Variants in NFATC1 observed in about 807,000 individuals in gnomAD.
The protein encoded by NFATC1 is nuclear factor of activated T cells 1, also known as nuclear factor of activated T-cells, cytoplasmic 1.
A neutral mutation model predicts 76.0 loss-of-function variants in NFATC1; 22 were observed. The ratio of observed to expected loss-of-function variants is 0.29; its 90% CI spans 0.21 to 0.41. NFATC1 has a LOEUF of 0.41. Among genes scored for constraint, NFATC1 ranks in the 10% least tolerant of loss-of-function variants. The pLI is 1.00. For missense variants in NFATC1, 1,357 were observed against 1,337.7 expected (o/e 1.01, Z -0.23); for synonymous variants, 704 against 613.1 (o/e 1.15, Z -2.19).
chr18:79,480,989 G>GGCT (rs2089252414), intron 8 of NFATC1, among the ~76,000 whole-genome samples: 2 of 152,370 alleles, frequency 1.3e-5, no homozygotes, highest in Non-Finnish European at 1.5e-5. Context: ...TTAGAATGGA[G>GGCT]GCTTGGCCAT....
chr18:79,463,077 TC>T (rs2088208953), intron 7 of NFATC1, among the ~76,000 whole-genome samples: 1 of 152,154 alleles, frequency 6.6e-6, no homozygotes, highest in South Asian at 2.1e-4. Flanking sequence ...TCAGCGCCCT[TC>T]CCCCAAGGAC....
At chr18:79,402,004 G>T (rs1369796256) in intron 1 of NFATC1, among the ~76,000 whole-genome samples, 3 of 152,186 alleles carry the variant, frequency 2.0e-5, no homozygotes, top group African/African-American at 7.2e-5. Flanking sequence ...CATGGAGCTG[G>T]GTCTCCCCGG....
rs540388869 is a variant in NFATC1 at position 79,451,021 on chromosome 18, A to G, written c.1657A>G (p.Ile553Val). ...TGAACTTCGGAAAGGAGAGACGGAC[A>G]TCGGGAGGAAGAACACACGGGTACG... Reference protein sequence around the residue: ...DIELRKGETDIGRKNTRVRLV... With the variant: ...DIELRKGETDVGRKNTRVRLV... Residue 553 changes from isoleucine (I) to valine (V), a missense_variant, in exon 5 of 10, where the codon ATC (isoleucine) becomes GTC (valine). Transcript: ENST00000427363. The G allele has an allele frequency of 6.2e-6, 10 of 1,613,908 alleles. No homozygotes were observed. The East Asian group carries it at 1.1e-4, about 18-fold the overall frequency.
Position 79,471,714 on chromosome 18 carries a change from A to G in NFATC1, c.2092+4132A>G, listed in dbSNP as rs146420926. On this transcript the variant is annotated intron_variant, in intron 8 of 9. Transcript: ENST00000427363. The stretch of plus-strand genomic sequence containing the variant: ...TCCAGCTGAGGGTCATCCCGTGACA[A>G]GGAGTGGCTGCTGTGATGACCCAGG... Among the ~76,000 whole-genome samples, 801 of 152,240 alleles carry G rather than the reference A, an allele frequency of 5.3e-3. 10 individuals are homozygous for G. The highest frequency in any genetic ancestry group is 0.018 in the African/African-American group (744 of 41,504).
At chr18:79,468,092 G>GATGCCCGTGGTCCCAGGAGAT in intron 8 of NFATC1, 1 of 682,986 alleles carries the variant, frequency 1.5e-6, no homozygotes, top group Non-Finnish European at 1.8e-6. Flanking sequence ...TCATCTCCTG[G>GATGCCCGTGGTCCCAGGAGAT]GACCACGGGC....
intron 2 of NFATC1, among the ~76,000 whole-genome samples, chr18:79,414,592 A>G (rs2085812319): frequency 6.6e-6 from 1 of 152,218 alleles, no homozygotes; most frequent in African/African-American, 2.4e-5. Context: ...AGAGTAGGTG[A>G]TAGAACCTTG....
chr18:79,438,560 A>G (rs933780291), intron 3 of NFATC1, among the ~76,000 whole-genome samples: 1 of 152,240 alleles, frequency 6.6e-6, no homozygotes, highest in Non-Finnish European at 1.5e-5. Flanking sequence ...TGAATAATTA[A>G]TAGGTCACTG....
Position 79,465,921 on chromosome 18 carries a change from G to A in NFATC1, c.1960-1529G>A, listed in dbSNP as rs530796042. On this transcript the variant is annotated intron_variant, in intron 7 of 9. Transcript: ENST00000427363. The surrounding 1 kb of genome is among the most constrained non-coding windows in gnomAD (Gnocchi z 4.2). ...TGACAGCACTCATGGCCCCTCCGGC[G>A]GCAGCTTCAGCTCCCCTGGGGCAGC... is the stretch of plus-strand genomic sequence containing the variant. 3.0e-4 allele frequency among the ~76,000 whole-genome samples: 46 copies of A among 152,354 alleles called. No individual in the cohort carries two copies. The South Asian group carries it at 9.1e-3, about 30-fold the overall frequency.
chr18:79,403,287 A>G (rs1767607263), intron 1 of NFATC1, among the ~76,000 whole-genome samples: 2 of 152,274 alleles, frequency 1.3e-5, no homozygotes. Flanking sequence ...AGTGCTCAGC[A>G]GGTGCAAAGA....
At chr18:79,400,368 G>GC in intron 1 of NFATC1, 1 of 1,328,382 alleles carries the variant, frequency 7.5e-7, no homozygotes, top group Non-Finnish European at 9.6e-7. Context: ...CCCGGCTCCC[G>GC]CCCCGGCCCC....
chr18:79,422,704 C>T lies in NFATC1; in HGVS notation c.1227-10875C>T, dbSNP rs1473054483. 2.0e-5 allele frequency: 3 copies of T among 152,278 alleles called. No homozygotes were observed. In the East Asian group the frequency reaches 5.8e-4, roughly 29 times the overall value. The allele number at this position is 152,278 out of a possible 1,614,324, so 9.4% of individuals were successfully genotyped here. A position where few individuals can be genotyped will look rare whatever the true frequency, so the allele number is the denominator to read the frequency against. ...ACAGGGAGGCCCGGTTCCCACTGAG[C>T]TTGGGTTCCCAACGGGCTCCTTTTG... is the stretch of plus-strand genomic sequence containing the variant. On this transcript the variant is annotated intron_variant, in intron 2 of 9. Transcript: ENST00000427363.
chr18:79,461,482 A>G, intron 7 of NFATC1, 116 bp downstream of exon 7: 2 of 888,394 alleles, frequency 2.3e-6, no homozygotes, highest in East Asian at 2.6e-5. Context: ...CCTGTTTCTT[A>G]GAATGAAACA....
chr18:79,436,325 G>A (rs1340031810), intron 3 of NFATC1, among the ~76,000 whole-genome samples: 1 of 152,254 alleles, frequency 6.6e-6, no homozygotes, highest in Non-Finnish European at 1.5e-5. Context: ...TGGCGCGGGA[G>A]TTTCCTGCAT....
intron 3 of NFATC1, among the ~76,000 whole-genome samples, chr18:79,444,890 T>G (rs2087142270): frequency 1.3e-5 from 2 of 152,234 alleles, no homozygotes; most frequent in Admixed American, 6.5e-5. Flanking sequence ...AAGTGGACGC[T>G]GCGTGGCTGT....
At chr18:79,396,428 G>T in intron 1 of NFATC1, 77 bp downstream of exon 1, 1 of 980,474 alleles carries the variant, frequency 1.0e-6, no homozygotes, top group Non-Finnish European at 1.3e-6. Flanking sequence ...CCCCGCCCCC[G>T]TCGCCCGCAC....
At chr18:79,396,396 C>G (rs2085004702) in intron 1 of NFATC1, 45 bp downstream of exon 1, 1 of 1,137,716 alleles carries the variant, frequency 8.8e-7, no homozygotes, top group Admixed American at 4.8e-5. Context: ...GCGCCCCCCA[C>G]GGCCCGGGCC....
At position 79,478,396 on chromosome 18, in the gene NFATC1, C is replaced by T. The variant is rs757572098; in HGVS notation, c.2093-7852C>T. 4.1e-4 allele frequency among the ~76,000 whole-genome samples: 62 copies of T among 152,182 alleles called. No individual in the cohort carries two copies. The Middle Eastern group carries it at 0.01, about 25-fold the overall frequency. On this transcript the variant is annotated intron_variant, in intron 8 of 9. Coordinates refer to ENST00000427363, the MANE Select transcript of NFATC1 (RefSeq NM_001278669.2). ...ACTACGTTGGGAGGAGGATGTGGTC[C>T]GGGCCATTAAGAGCTGTGATGAGCC...
At chr18:79,451,840 C>T in intron 6 of NFATC1, 24 bp downstream of exon 6, 3 of 1,588,594 alleles carry the variant, frequency 1.9e-6, no homozygotes, top group Non-Finnish European at 2.6e-6. Context: ...CAGGGGCCAT[C>T]TGCGGCCTGG....
intron 1 of NFATC1, among the ~76,000 whole-genome samples, chr18:79,406,500 T>C (rs759289558): frequency 2.2e-4 from 33 of 152,248 alleles, no homozygotes; most frequent in Middle Eastern, 3.4e-3. Context: ...CTCCTGGAGT[T>C]GATGACTGGT....
Sources: gnomAD v4.1 joint callset for allele counts (sites outside exome capture counted in the v4.1 genomes callset) on GRCh38, gnomAD v4.1.1 for gene constraint, Gnocchi (gnomAD v3.1) non-coding constraint, MANE v1.5 for transcripts, NCBI Gene and HGNC (gene_info 2026-07-23, HGNC 2026-07-21) for gene names.